The following DPH6 variants were observed in gnomAD, a reference collection of about 807,000 sequenced individuals.
DPH6 encodes the protein diphthine--ammonia ligase.
A neutral mutation model predicts 38.2 loss-of-function variants in DPH6; 33 were observed. The observed-to-expected ratio is 0.86, with a 90% CI of 0.65 to 1.15. DPH6 has a LOEUF of 1.15. Among genes scored for constraint, DPH6 ranks in the 50% most tolerant of loss-of-function variants. The pLI, the probability that DPH6 is intolerant of heterozygous loss-of-function variation, is 0.00. For missense variants in DPH6, 325 were observed against 320.0 expected (o/e 1.02, Z -0.12); for synonymous variants, 108 against 103.0 (o/e 1.05, Z -0.30).
At chr15:35,233,449 TA>T (rs1264366034) in intron 3 of DPH6, among the ~76,000 whole-genome samples, 2 of 152,352 alleles carry the variant, frequency 1.3e-5, no homozygotes, top group African/African-American at 2.4e-5. Context: ...TTGGATTTTA[TA>T]AGCTTGTACA....
chr15:35,238,420 T>C (rs1042946430), intron 3 of DPH6, among the ~76,000 whole-genome samples: 21 of 152,290 alleles, frequency 1.4e-4, no homozygotes, highest in Admixed American at 8.5e-4. Context: ...TCAATATGCA[T>C]CCTGCTTTAA....
At chr15:35,511,828 T>G (rs8039310) in intron 3 of DPH6, among the ~76,000 whole-genome samples, 2,772 of 152,244 alleles carry the variant, frequency 0.018, 86 homozygotes, top group African/African-American at 0.062. Flanking sequence ...AATTCCAAGA[T>G]GGTGATATAT....
At chr15:35,227,173 T>TC in intron 3 of DPH6, among the ~76,000 whole-genome samples, 1 of 144,974 alleles carries the variant, frequency 6.9e-6, no homozygotes, top group East Asian at 2.1e-4. Context: ...TATAACATCT[T>TC]CTTTTTTTTT....
intron 3 of DPH6, among the ~76,000 whole-genome samples, chr15:35,458,013 T>C (rs1162984728): frequency 1.3e-5 from 2 of 152,224 alleles, no homozygotes; most frequent in African/African-American, 4.8e-5. Context: ...TATTTGCATA[T>C]AACCAATGCA....
In DPH6 at chr15:35,365,858, C is replaced by T. The variant is rs1296849307; in HGVS notation, n.207+7663G>A. The T allele has an allele frequency of 3.0e-6, 3 of 985,060 alleles. No individual in the cohort carries two copies. The East Asian group carries it at 3.4e-4, about 112-fold the overall frequency. The allele number at this position is 985,060 out of a possible 1,614,324, so 61.0% of individuals were successfully genotyped here. A position where few individuals can be genotyped will look rare whatever the true frequency, so the allele number is the denominator to read the frequency against. Reference sequence around the variant, plus strand: ...TATAGCAACAGTGACCCAGCAGTACCTACAGCCCAGCACCCATTCAAGCCC... The same window carrying T: ...TATAGCAACAGTGACCCAGCAGTACTTACAGCCCAGCACCCATTCAAGCCC... On this transcript the variant is annotated intron_variant and non_coding_transcript_variant, in intron 3 of 3. Transcript: ENST00000558973.
intron 3 of DPH6, among the ~76,000 whole-genome samples, chr15:35,221,539 T>C (rs576894134): frequency 2.0e-5 from 3 of 152,312 alleles, no homozygotes; most frequent in Non-Finnish European, 2.9e-5. Flanking sequence ...ATGTGGACCA[T>C]TATGGGTCTG....
chr15:35,178,993 G>A, the DPH6 span, among the ~76,000 whole-genome samples: 2 of 152,100 alleles, frequency 1.3e-5, no homozygotes, highest in South Asian at 4.2e-4. Context: ...GATCACCTGA[G>A]GTTGGGAGTT....
downstream of DPH6, among the ~76,000 whole-genome samples, chr15:35,366,228 T>TGTGTGTGTGTGTG (rs2052657653): frequency 6.9e-6 from 1 of 144,262 alleles, no homozygotes; most frequent in East Asian, 2.1e-4. Context: ...TTTAGTCATC[T>TGTGTGTGTGTGTG]TGTGTGTGTG....
intron 3 of DPH6, among the ~76,000 whole-genome samples, chr15:35,234,926 T>C (rs2051541244): frequency 6.6e-6 from 1 of 152,190 alleles, no homozygotes; most frequent in Admixed American, 6.5e-5. Flanking sequence ...AATTGAGAGA[T>C]AAAATGTGTG....
chr15:35,227,345 G>A (rs974752078), intron 3 of DPH6, among the ~76,000 whole-genome samples: 15 of 151,354 alleles, frequency 9.9e-5, no homozygotes, highest in East Asian at 3.9e-4. Context: ...CACCACACCC[G>A]GCTAATTTTT....
chr15:35,254,070 C>T (rs538759705), intron 3 of DPH6, among the ~76,000 whole-genome samples: 2 of 152,316 alleles, frequency 1.3e-5, no homozygotes, highest in African/African-American at 2.4e-5. Flanking sequence ...CCCTAAGCTA[C>T]ACTAGACAGG....
chr15:35,246,637 A>C (rs190747327), intron 3 of DPH6, among the ~76,000 whole-genome samples: 1 of 152,342 alleles, frequency 6.6e-6, no homozygotes, highest in Non-Finnish European at 1.5e-5. Flanking sequence ...TGTGTTGAAC[A>C]TTAAGGGGGT....
chr15:35,228,693 T>C (rs1566844370), intron 3 of DPH6, among the ~76,000 whole-genome samples: 1 of 152,212 alleles, frequency 6.6e-6, no homozygotes, highest in Non-Finnish European at 1.5e-5. Flanking sequence ...ATTAACGCCC[T>C]TTTCTTTCTG....
intron 3 of DPH6, chr15:35,521,236 C>G (rs2141237046): frequency 1.0e-6 from 1 of 985,688 alleles, no homozygotes; most frequent in Admixed American, 6.2e-5. Context: ...TAAGGCAAGG[C>G]AGTTCTAGTC....
chr15:35,414,427 ATACT>A (rs371424459), intron 5 of DPH6, among the ~76,000 whole-genome samples: 39 of 151,966 alleles, frequency 2.6e-4, no homozygotes, highest in African/African-American at 8.7e-4. Context: ...AATTTTCAAC[ATACT>A]TAGTACATTT....
chr15:35,458,701 G>C (rs940502666), intron 3 of DPH6, among the ~76,000 whole-genome samples: 2 of 152,176 alleles, frequency 1.3e-5, no homozygotes, highest in South Asian at 2.1e-4. Context: ...TGTCATAGCT[G>C]AAATAAAACC....
chr15:35,227,992 C>T (rs1343622063), intron 3 of DPH6, among the ~76,000 whole-genome samples: 1 of 152,078 alleles, frequency 6.6e-6, no homozygotes, highest in Non-Finnish European at 1.5e-5. Flanking sequence ...AAGATGCTTG[C>T]TATTTTTTCA....
the DPH6 span, among the ~76,000 whole-genome samples, chr15:35,175,725 C>G: frequency 6.6e-6 from 1 of 152,098 alleles, no homozygotes; most frequent in African/African-American, 2.4e-5. Context: ...GTTATATTAG[C>G]ACTTAACAGA....
intron 5 of DPH6, among the ~76,000 whole-genome samples, chr15:35,428,296 C>T (rs1328324520): frequency 1.3e-5 from 2 of 151,976 alleles, no homozygotes; most frequent in Admixed American, 1.3e-4. Context: ...CAAACTACTT[C>T]TAAAAATTTT....
Sources: allele counts gnomAD v4.1 joint callset (sites outside exome capture counted in the v4.1 genomes callset), GRCh38; gene constraint gnomAD v4.1.1; transcripts MANE v1.5; gene names NCBI Gene and HGNC (gene_info 2026-07-23, HGNC 2026-07-21).